Variants in CDK15 observed in about 807,000 individuals in gnomAD.
CDK15 encodes the protein cyclin-dependent kinase 15.
A neutral mutation model predicts 60.3 loss-of-function variants in CDK15; 62 were observed. That is an observed-to-expected ratio of 1.03 (90% CI 0.84 to 1.27). CDK15 has a LOEUF of 1.27. CDK15 is among the 50% of genes most tolerant of loss of function. CDK15 has a pLI of 0.00. For missense variants in CDK15, 541 were observed against 527.8 expected (o/e 1.03, Z -0.25); for synonymous variants, 194 against 195.7 (o/e 0.99, Z 0.07).
At chr2:201,816,065 T>C (rs1037063890) in intron 4 of CDK15, among the ~76,000 whole-genome samples, 4 of 152,224 alleles carry the variant, frequency 2.6e-5, no homozygotes, top group South Asian at 2.1e-4. Context: ...AAAATAAAAA[T>C]AGAAATCTGT....
chr2:201,807,481 C>G lies in CDK15; in HGVS notation c.124-13C>G. Reference sequence around the variant, plus strand: ...TGCATAAATTTTATTTCTGCTCTTTCTTTTTTCTCTAGCTAACAGACCTAA... The same window carrying G: ...TGCATAAATTTTATTTCTGCTCTTTGTTTTTTCTCTAGCTAACAGACCTAA... On this transcript the variant is annotated splice_polypyrimidine_tract_variant and intron_variant, in intron 1 of 13. Transcript: ENST00000652192. The G allele has an allele frequency of 6.2e-7, 1 of 1,605,064 alleles. No homozygotes were observed. Among genetic ancestry groups the G allele is most frequent in the African/African-American group, 1.3e-5 (1 of 74,456 alleles).
chr2:201,809,426 T>A (rs1695655382), intron 3 of CDK15, among the ~76,000 whole-genome samples: 1 of 152,242 alleles, frequency 6.6e-6, no homozygotes, highest in South Asian at 2.1e-4. Flanking sequence ...TTTATTAGAT[T>A]TTCTTTTCTC....
intron 6 of CDK15, among the ~76,000 whole-genome samples, chr2:201,826,227 G>A (rs1199164030): frequency 1.3e-5 from 2 of 152,194 alleles, no homozygotes; most frequent in South Asian, 2.1e-4. Context: ...TTGGGAGGCC[G>A]AGGCGGGTGG....
chr2:201,834,284 G>A (rs1473967917), intron 7 of CDK15, among the ~76,000 whole-genome samples: 1 of 152,114 alleles, frequency 6.6e-6, no homozygotes, highest in Non-Finnish European at 1.5e-5. Context: ...AAATCTAAGT[G>A]AATATACAAA....
chr2:201,893,297 C>G lies in CDK15; in HGVS notation c.*34-4C>G, dbSNP rs562478662. 5 of 152,238 alleles carry G rather than the reference C, an allele frequency of 3.3e-5. No individual in the cohort carries two copies. The highest frequency in any genetic ancestry group is 9.6e-5 in the African/African-American group (4 of 41,550). The allele number at this position is 152,238 out of a possible 1,614,324, so 9.4% of individuals were successfully genotyped here. A position where few individuals can be genotyped will look rare whatever the true frequency, so the allele number is the denominator to read the frequency against. On this transcript the variant is annotated splice_region_variant and splice_polypyrimidine_tract_variant and intron_variant, in intron 13 of 13. Transcript: ENST00000652192. ...GATTGTGTTTATTTTTCATTCACTT[C>G]CAGGGCTGTATTTCTGCAGTTTCGG... is the stretch of plus-strand genomic sequence containing the variant.
chr2:201,830,932 G>A (rs904176844), intron 6 of CDK15, among the ~76,000 whole-genome samples: 1 of 152,176 alleles, frequency 6.6e-6, no homozygotes, highest in Non-Finnish European at 1.5e-5. Context: ...TGAGCTCAAG[G>A]TCTCATTTAA....
At position 201,811,296 on chromosome 2, in the gene CDK15, G is replaced by A. The variant is rs368757318; in HGVS notation, c.369-1187G>A. On this transcript the variant is annotated intron_variant, in intron 3 of 13. Transcript: ENST00000652192. ...CTCCCCAGTAGCTGGGACTACAGGT[G>A]CCCACCACCACACCCGGCTAATTTT... 3.1e-3 allele frequency among the ~76,000 whole-genome samples: 464 copies of A among 152,008 alleles called. 3 individuals carry two copies. The highest frequency in any genetic ancestry group is 0.011 in the African/African-American group (451 of 41,424).
intron 10 of CDK15, among the ~76,000 whole-genome samples, chr2:201,868,611 C>T (rs867293571): frequency 1.5e-4 from 23 of 151,318 alleles, no homozygotes; most frequent in African/African-American, 5.6e-4. Flanking sequence ...CTACAGAATG[C>T]GAGAAAATTT....
chr2:201,864,957 A>G (rs985254011), intron 10 of CDK15, among the ~76,000 whole-genome samples: 1 of 152,166 alleles, frequency 6.6e-6, no homozygotes, highest in Non-Finnish European at 1.5e-5. Flanking sequence ...TAGAGAAAGA[A>G]GAAAGGACAA....
At chr2:201,851,941 G>A (rs1035727228) in intron 9 of CDK15, among the ~76,000 whole-genome samples, 1 of 152,222 alleles carries the variant, frequency 6.6e-6, no homozygotes, top group Non-Finnish European at 1.5e-5. Flanking sequence ...TTACAGGCGT[G>A]AGCCACCGTG....
intron 5 of CDK15, 24 bp downstream of exon 5, chr2:201,822,927 A>T (rs1363900974): frequency 7.3e-7 from 1 of 1,378,958 alleles, no homozygotes; most frequent in African/African-American, 1.4e-5. Context: ...GCATTTTACA[A>T]CACTTGAGAA....
intron 9 of CDK15, among the ~76,000 whole-genome samples, chr2:201,849,139 C>T (rs903136885): frequency 1.3e-5 from 2 of 152,160 alleles, no homozygotes; most frequent in Admixed American, 1.3e-4. Context: ...TCTGAACTTT[C>T]GTTTCCTTGT....
At chr2:201,874,395 T>G (rs1012051399) in intron 11 of CDK15, among the ~76,000 whole-genome samples, 1 of 152,232 alleles carries the variant, frequency 6.6e-6, no homozygotes, top group African/African-American at 2.4e-5. Context: ...GGATATATAC[T>G]ATGTACCTAG....
intron 4 of CDK15, 45 bp downstream of exon 4, chr2:201,812,607 T>G: frequency 7.4e-7 from 1 of 1,345,218 alleles, no homozygotes; most frequent in Non-Finnish European, 1.1e-6. Context: ...TTTGAGTCCT[T>G]GATTTGGTAA....
In CDK15 at chr2:201,846,931, TA is replaced by T. The variant is rs545367700; in HGVS notation, c.852-448del. Among the ~76,000 whole-genome samples, 159 of 152,342 alleles carry T rather than the reference TA, an allele frequency of 1.0e-3. 1 individual carries two copies. Among genetic ancestry groups the T allele is most frequent in the African/African-American group, 3.7e-3 (154 of 41,582 alleles). On this transcript the variant is annotated intron_variant, in intron 8 of 13. Coordinates refer to ENST00000652192, the MANE Select transcript of CDK15 (RefSeq NM_001366386.2). ...AATAATCTCTATTTAATTAAATTTATAACAGCCCTTTCAATAAGTATAAAAT... is the reference window on the plus strand; with the variant it reads ...AATAATCTCTATTTAATTAAATTTATACAGCCCTTTCAATAAGTATAAAAT...
chr2:201,838,706 C>T (rs1006924228), intron 8 of CDK15, among the ~76,000 whole-genome samples: 1 of 152,198 alleles, frequency 6.6e-6, no homozygotes, highest in African/African-American at 2.4e-5. Flanking sequence ...CGTGCCCAAC[C>T]AATTAAGAAG....
At chr2:201,849,984 C>G (rs550067957) in intron 9 of CDK15, among the ~76,000 whole-genome samples, 1 of 152,286 alleles carries the variant, frequency 6.6e-6, no homozygotes, top group East Asian at 1.9e-4. Context: ...GCCACCACAC[C>G]TGGCTAACTT....
At chr2:201,811,190 G>A (rs1310244074) in intron 3 of CDK15, among the ~76,000 whole-genome samples, 3 of 146,276 alleles carry the variant, frequency 2.1e-5, no homozygotes, top group Admixed American at 6.9e-5. Context: ...TTGCTCTGTC[G>A]CCCAGGCTGG....
intron 7 of CDK15, 150 bp downstream of exon 7, chr2:201,834,121 T>A: frequency 9.8e-7 from 1 of 1,018,524 alleles, no homozygotes; most frequent in Non-Finnish European, 1.3e-6. Flanking sequence ...AAAGGAAGTG[T>A]GAGGCACGAA....
Sources: gnomAD v4.1 joint callset for allele counts (sites outside exome capture counted in the v4.1 genomes callset) on GRCh38, gnomAD v4.1.1 for gene constraint, MANE v1.5 for transcripts, NCBI Gene and HGNC (gene_info 2026-07-23, HGNC 2026-07-21) for gene names.